HHAT: variants seen among roughly 807,000 people sequenced by gnomAD.
HHAT encodes the protein hedgehog acyltransferase, also known as protein-cysteine N-palmitoyltransferase HHAT.
HHAT carries 47 observed loss-of-function variants against 70.8 expected under a neutral mutation model. The observed-to-expected ratio is 0.66, with a 90% CI of 0.53 to 0.85. HHAT has a LOEUF of 0.85. Ranked by LOEUF, HHAT falls within the 40% of genes least tolerant of loss-of-function variation. HHAT has a pLI of 0.00. For missense variants in HHAT, 609 were observed against 604.8 expected, an observed-to-expected ratio of 1.01 and a Z score of -0.07; for synonymous variants, 228 against 247.6, an observed-to-expected ratio of 0.92 and a Z score of 0.74.
At chr1:210,525,188 T>C (rs2095227424) in intron 9 of HHAT, among the ~76,000 whole-genome samples, 1 of 152,060 alleles carries the variant, frequency 6.6e-6, no homozygotes, top group African/African-American at 2.4e-5. Context: ...CACCCTTGCG[T>C]TGATGCCCAT....
upstream of HHAT, among the ~76,000 whole-genome samples, chr1:210,328,635 G>A (rs1034013206): frequency 5.9e-5 from 9 of 152,344 alleles, no homozygotes; most frequent in Admixed American, 1.3e-4. Flanking sequence ...CCCACCTCGA[G>A]TTTCAGGTGA....
At chr1:210,469,955 A>G (rs933155264) in intron 8 of HHAT, among the ~76,000 whole-genome samples, 2 of 152,158 alleles carry the variant, frequency 1.3e-5, no homozygotes, top group Non-Finnish European at 2.9e-5. Context: ...TAAGTTCCGC[A>G]TGCATTAGGT....
intron 10 of HHAT, among the ~76,000 whole-genome samples, chr1:210,595,528 G>T (rs1271908795): frequency 2.6e-5 from 4 of 152,198 alleles, no homozygotes; most frequent in Non-Finnish European, 5.9e-5. Context: ...CTGGATCCCT[G>T]AGGAGTCGCC....
rs59554789 is a variant in HHAT at position 210,394,229 on chromosome 1, CTTTTTTTTTTTTTTTTTTTTTTTTT to C, written c.274-6228_274-6204del. On this transcript the variant is annotated intron_variant, in intron 4 of 11. Coordinates refer to ENST00000261458, the MANE Select transcript of HHAT (RefSeq NM_018194.6). Reference sequence around the variant, plus strand: ...TTTTATTTTCAAAAGCATGATCTATCTTTTTTTTTTTTTTTTTTTTTTTTTTTTTTTTTTTGCCATGGTAAGAAAT... The same window carrying C: ...TTTTATTTTCAAAAGCATGATCTATCTTTTTTTTTTGCCATGGTAAGAAAT... 6.9e-4 allele frequency among the ~76,000 whole-genome samples: 80 copies of C among 116,332 alleles called. 2 individuals are homozygous for C. Among genetic ancestry groups the C allele is most frequent in the Admixed American group, 1.3e-3 (14 of 11,038 alleles). The allele number at this position is 116,332 out of a possible 152,430, so 76.3% of individuals were successfully genotyped here. A position where few individuals can be genotyped will look rare whatever the true frequency, so the allele number is the denominator to read the frequency against.
intron 2 of HHAT, among the ~76,000 whole-genome samples, chr1:210,353,698 C>G (rs547116735): frequency 6.6e-6 from 1 of 152,010 alleles, no homozygotes; most frequent in South Asian, 2.1e-4. Flanking sequence ...CCTTCATTTC[C>G]TCTTTCCACT....
chr1:210,386,222 C>CTTTTTTCTTTTTTTTTTTTTTTTTT (rs1558409107), intron 3 of HHAT, among the ~76,000 whole-genome samples: 2 of 69,892 alleles, frequency 2.9e-5, no homozygotes, highest in African/African-American at 1.1e-4. Flanking sequence ...GAGTCCTTTT[C>CTTTTTTCTTTTTTTTTTTTTTTTTT]TTTTTTTCTT....
chr1:210,427,229 G>C (rs1173837933), intron 7 of HHAT, among the ~76,000 whole-genome samples: 1 of 151,906 alleles, frequency 6.6e-6, no homozygotes, highest in South Asian at 2.1e-4. Flanking sequence ...TATTAGTCTA[G>C]TTAGTGGTCT....
intron 8 of HHAT, among the ~76,000 whole-genome samples, chr1:210,505,488 A>G (rs1044025931): frequency 1.3e-5 from 2 of 152,186 alleles, no homozygotes; most frequent in African/African-American, 4.8e-5. Flanking sequence ...CTTCCGAATT[A>G]GTCAAGTGAG....
intron 1 of HHAT, among the ~76,000 whole-genome samples, chr1:210,330,694 G>GA (rs34704512): frequency 6.5e-4 from 99 of 152,336 alleles, no homozygotes; most frequent in Middle Eastern, 6.8e-3. Flanking sequence ...GGCCCAGGGG[G>GA]AATGTTCCCT....
At chr1:210,512,047 C>T (rs1405280231) in intron 8 of HHAT, among the ~76,000 whole-genome samples, 2 of 152,028 alleles carry the variant, frequency 1.3e-5, no homozygotes, top group Non-Finnish European at 2.9e-5. Flanking sequence ...AAGGCAGTGT[C>T]GTTTATATGG....
At chr1:210,640,274 AG>A (rs1672727279) in intron 11 of HHAT, among the ~76,000 whole-genome samples, 1 of 152,192 alleles carries the variant, frequency 6.6e-6, no homozygotes, top group Admixed American at 6.5e-5. Context: ...CCAAATAATC[AG>A]TGTCTGGGGT....
intron 3 of HHAT, among the ~76,000 whole-genome samples, chr1:210,365,867 C>T (rs879872424): frequency 2.0e-5 from 3 of 151,464 alleles, no homozygotes; most frequent in Admixed American, 2.0e-4. Flanking sequence ...CCACCTGCCT[C>T]AGCCTCTCAA....
At chr1:210,479,152 A>G (rs2094352169) in intron 8 of HHAT, among the ~76,000 whole-genome samples, 1 of 152,282 alleles carries the variant, frequency 6.6e-6, no homozygotes, top group East Asian at 1.9e-4. Context: ...CTGTAACTTC[A>G]TATTTGATTC....
intron 4 of HHAT, among the ~76,000 whole-genome samples, chr1:210,394,986 T>G (rs540261570): frequency 6.6e-6 from 1 of 150,696 alleles, no homozygotes; most frequent in East Asian, 2.0e-4. Flanking sequence ...TTGGGGAGAT[T>G]ATATATACAT....
chr1:210,485,174 T>C (rs1478573766), intron 8 of HHAT, among the ~76,000 whole-genome samples: 1 of 151,974 alleles, frequency 6.6e-6, no homozygotes, highest in African/African-American at 2.4e-5. Flanking sequence ...GGCCTCCCCT[T>C]CCCCCATGCA....
rs568833717 is a variant in HHAT, at chr1:210,527,538, C to T, written c.1043+14350C>T. ...TCACCATTATCAGCATCATAAATTT[C>T]CTGGCTATCTTGTCATTCTTTGGGA... On this transcript the variant is annotated intron_variant, in intron 9 of 11. Coordinates refer to ENST00000261458, the MANE Select transcript of HHAT (RefSeq NM_018194.6). 2.8e-4 allele frequency among the ~76,000 whole-genome samples: 42 copies of T among 152,302 alleles called. No individual in the cohort carries two copies. In the South Asian group the frequency reaches 8.7e-3, roughly 32 times the overall value.
At chr1:210,490,047 A>G (rs956026635) in intron 8 of HHAT, among the ~76,000 whole-genome samples, 2 of 152,032 alleles carry the variant, frequency 1.3e-5, no homozygotes, top group African/African-American at 2.4e-5. Context: ...ATTTGAGTTA[A>G]AAAAGAAAAA....
At chr1:210,331,861 C>T (rs1017995170) in intron 1 of HHAT, among the ~76,000 whole-genome samples, 26 of 151,812 alleles carry the variant, frequency 1.7e-4, no homozygotes, top group Non-Finnish European at 2.8e-4. Context: ...TTTGTAACCC[C>T]TTCTATGAAA....
At chr1:210,421,852 CAT>C (rs995358144) in intron 7 of HHAT, among the ~76,000 whole-genome samples, 10 of 152,222 alleles carry the variant, frequency 6.6e-5, no homozygotes, top group African/African-American at 1.2e-4. Flanking sequence ...TAAAAAAAGT[CAT>C]ATGTGTAGTT....
Sources: allele counts gnomAD v4.1 joint callset (sites outside exome capture counted in the v4.1 genomes callset), GRCh38; gene constraint gnomAD v4.1.1; transcripts MANE v1.5; gene names NCBI Gene and HGNC (gene_info 2026-07-23, HGNC 2026-07-21).